Variants in SEMA5A observed in about 807,000 individuals in gnomAD.
SEMA5A encodes semaphorin 5A, also known as semaphorin-5A.
A neutral mutation model predicts 135.5 loss-of-function variants in SEMA5A; 55 were observed. The observed-to-expected ratio is 0.41, with a 90% CI of 0.33 to 0.51. The LOEUF (loss-of-function observed/expected upper bound fraction) is 0.51. SEMA5A is among the 20% of genes least tolerant of loss of function. The probability of loss-of-function intolerance (pLI) is 0.37; values close to 1 mark genes in which losing one functional copy is unlikely to be tolerated. For synonymous variants in SEMA5A, 580 were observed against 546.5 expected (o/e 1.06, Z -0.85); for missense variants, 1,290 against 1,419.9 (o/e 0.91, Z 1.47).
At chr5:9,251,174 A>G (rs1459239964) in intron 5 of SEMA5A, among the ~76,000 whole-genome samples, 2 of 152,148 alleles carry the variant, frequency 1.3e-5, no homozygotes, top group Non-Finnish European at 2.9e-5. Flanking sequence ...GATGCCTTCC[A>G]TACTAGGATG....
chr5:9,536,658 C>T (rs574207008), intron 1 of SEMA5A, among the ~76,000 whole-genome samples: 4 of 151,798 alleles, frequency 2.6e-5, no homozygotes, highest in Admixed American at 6.6e-5. Flanking sequence ...TCTAGGATTT[C>T]CCTTTCCAGT....
chr5:9,432,512 C>G (rs772789800), intron 2 of SEMA5A, among the ~76,000 whole-genome samples: 7 of 152,114 alleles, frequency 4.6e-5, no homozygotes, highest in Non-Finnish European at 7.4e-5. Context: ...TTATCACACC[C>G]AAACCTATGT....
At chr5:9,222,223 G>A (rs986787161) in intron 8 of SEMA5A, among the ~76,000 whole-genome samples, 1 of 152,208 alleles carries the variant, frequency 6.6e-6, no homozygotes, top group South Asian at 2.1e-4. Flanking sequence ...AGGCTCAGCA[G>A]GGGGTGGAAG....
intron 2 of SEMA5A, among the ~76,000 whole-genome samples, chr5:9,409,510 G>A (rs970047907): frequency 2.0e-5 from 3 of 152,158 alleles, no homozygotes; most frequent in African/African-American, 7.2e-5. Flanking sequence ...CCTGTGATCT[G>A]GTGCATGCCC....
intron 5 of SEMA5A, among the ~76,000 whole-genome samples, chr5:9,286,952 T>C (rs1750826417): frequency 6.6e-6 from 1 of 152,328 alleles, no homozygotes. Context: ...CACATTTCCT[T>C]TTTTAGTTGC....
chr5:9,346,892 ATGTGTGTG>A (rs3086551), intron 3 of SEMA5A, among the ~76,000 whole-genome samples: 1 of 149,362 alleles, frequency 6.7e-6, no homozygotes, highest in Non-Finnish European at 1.5e-5. Context: ...GTATATATAT[ATGTGTGTG>A]TGTGTGTGTG....
At chr5:9,339,538 A>G (rs1726423626) in intron 3 of SEMA5A, among the ~76,000 whole-genome samples, 1 of 152,242 alleles carries the variant, frequency 6.6e-6, no homozygotes, top group South Asian at 2.1e-4. Context: ...GATAGGAAAT[A>G]ATAAATATGT....
At position 9,087,883 on chromosome 5, in the gene SEMA5A, G is replaced by GA. The variant is rs1269486953; in HGVS notation, c.2073+20256dup. 2.6e-5 allele frequency among the ~76,000 whole-genome samples: 4 copies of GA among 152,248 alleles called. No individual in the cohort carries two copies. In the East Asian group the frequency reaches 5.8e-4, roughly 22 times the overall value. Reference sequence around the variant, plus strand: ...GTTTTTATTTATTTTTCTCTCCTAGGAAACATTGCAAAATTTAAGCAAGTG... The same window carrying GA: ...GTTTTTATTTATTTTTCTCTCCTAGGAAAACATTGCAAAATTTAAGCAAGTG... On this transcript the variant is annotated intron_variant, in intron 16 of 22. Transcript: ENST00000382496.
At chr5:9,432,680 A>T (rs1757899197) in intron 2 of SEMA5A, among the ~76,000 whole-genome samples, 1 of 152,192 alleles carries the variant, frequency 6.6e-6, no homozygotes, top group Admixed American at 6.5e-5. Flanking sequence ...TGCCCTTAAC[A>T]TTATTGTACG....
chr5:9,495,777 T>C (rs1320987938), intron 1 of SEMA5A, among the ~76,000 whole-genome samples: 2 of 152,224 alleles, frequency 1.3e-5, no homozygotes, highest in African/African-American at 4.8e-5. Context: ...AATCAGACTA[T>C]TTGTAGTTTA....
chr5:9,058,025 GA>G (rs1157914027), intron 18 of SEMA5A, among the ~76,000 whole-genome samples: 1 of 152,172 alleles, frequency 6.6e-6, no homozygotes, highest in African/African-American at 2.4e-5. Flanking sequence ...TGGGGAAGTA[GA>G]AAGTTGCAGG....
chr5:9,147,776 G>T (rs1742422896), intron 12 of SEMA5A, among the ~76,000 whole-genome samples: 1 of 146,860 alleles, frequency 6.8e-6, no homozygotes, highest in African/African-American at 2.5e-5. Context: ...CAATCCTTTT[G>T]CTACTGTATG....
intron 3 of SEMA5A, among the ~76,000 whole-genome samples, chr5:9,359,308 A>C (rs17196621): frequency 0.16 from 23,844 of 152,266 alleles, 2,097 homozygotes; most frequent in Middle Eastern, 0.25. Flanking sequence ...AAGGGGAAAA[A>C]TAGTCACTTT....
intron 4 of SEMA5A, among the ~76,000 whole-genome samples, chr5:9,320,340 G>T (rs1345099334): frequency 1.3e-5 from 2 of 152,138 alleles, no homozygotes; most frequent in African/African-American, 4.8e-5. Context: ...ACCAGGTTAA[G>T]GATACCTCTG....
chr5:9,160,155 A>G (rs1236356523), intron 11 of SEMA5A, among the ~76,000 whole-genome samples: 2 of 152,176 alleles, frequency 1.3e-5, no homozygotes, highest in Non-Finnish European at 2.9e-5. Flanking sequence ...CATTCTGCAT[A>G]TGTATCCTGT....
chr5:9,368,696 G>C (rs1755015183), intron 3 of SEMA5A, among the ~76,000 whole-genome samples: 1 of 152,162 alleles, frequency 6.6e-6, no homozygotes, highest in South Asian at 2.1e-4. Flanking sequence ...ATGATACTCT[G>C]AGATTTCATC....
chr5:9,078,261 G>T (rs1027680547), intron 16 of SEMA5A, among the ~76,000 whole-genome samples: 44 of 152,156 alleles, frequency 2.9e-4, no homozygotes, highest in African/African-American at 1.1e-3. Flanking sequence ...ATTGAAATCG[G>T]TGACCTTGAG....
chr5:9,501,440 A>G (rs938338989), intron 1 of SEMA5A, among the ~76,000 whole-genome samples: 3 of 152,220 alleles, frequency 2.0e-5, no homozygotes, highest in Non-Finnish European at 2.9e-5. Context: ...ACATATAAAA[A>G]CATACACACA....
At chr5:9,131,458 A>T (rs1172033089) in intron 13 of SEMA5A, among the ~76,000 whole-genome samples, 2 of 151,746 alleles carry the variant, frequency 1.3e-5, no homozygotes, top group Non-Finnish European at 1.5e-5. Context: ...AACACAAAAA[A>T]TTACCCGGGT....
Sources: allele counts gnomAD v4.1 joint callset (sites outside exome capture counted in the v4.1 genomes callset), GRCh38; gene constraint gnomAD v4.1.1; transcripts MANE v1.5; gene names NCBI Gene and HGNC (gene_info 2026-07-23, HGNC 2026-07-21).